The following EPB41L4A variants were observed in gnomAD, a reference collection of about 807,000 sequenced individuals.
EPB41L4A encodes band 4.1-like protein 4A.
A neutral mutation model predicts 108.6 loss-of-function variants in EPB41L4A; 100 were observed. The ratio of observed to expected loss-of-function variants is 0.92; its 90% CI spans 0.78 to 1.09. The LOEUF (loss-of-function observed/expected upper bound fraction) is 1.09. Ranked by LOEUF, EPB41L4A falls within the 50% of genes least tolerant of loss-of-function variation. The probability of loss-of-function intolerance (pLI) is 0.00; values close to 1 mark genes in which losing one functional copy is unlikely to be tolerated. For missense variants in EPB41L4A, 1,030 were observed against 842.7 expected (o/e 1.22, Z -2.75); for synonymous variants, 319 against 289.0 (o/e 1.10, Z -1.05).
Position 112,178,290 on chromosome 5 carries a change from G to A in EPB41L4A, c.1622+5726C>T, listed in dbSNP as rs529803952. On this transcript the variant is annotated intron_variant, in intron 18 of 22. Transcript: ENST00000261486. Reference sequence around the variant, plus strand: ...ACATATGCATACACCTAACACCAGAGCTTCAAAATAACTTGAAGTAAAAAC... The same window carrying A: ...ACATATGCATACACCTAACACCAGAACTTCAAAATAACTTGAAGTAAAAAC... Among the ~76,000 whole-genome samples the A allele has an allele frequency of 3.9e-5, 6 of 152,170 alleles. No individual in the cohort carries two copies. In the East Asian group the frequency reaches 1.2e-3, roughly 29 times the overall value.
chr5:112,321,910 A>T (rs1580682558), intron 1 of EPB41L4A, among the ~76,000 whole-genome samples: 2 of 152,228 alleles, frequency 1.3e-5, no homozygotes, highest in East Asian at 3.8e-4. Flanking sequence ...AAACCTGTGT[A>T]ATTTTTGAAA....
intron 15 of EPB41L4A, among the ~76,000 whole-genome samples, chr5:112,196,238 T>C (rs888443642): frequency 6.6e-6 from 1 of 152,198 alleles, no homozygotes; most frequent in Non-Finnish European, 1.5e-5. Context: ...TGGGGCATCC[T>C]GGTTAAAGGT....
intron 1 of EPB41L4A, among the ~76,000 whole-genome samples, chr5:112,414,737 G>A (rs73218319): frequency 0.034 from 5,150 of 152,150 alleles, 310 homozygotes; most frequent in African/African-American, 0.12. Flanking sequence ...GATGATAAAA[G>A]GTATTTTTAA....
rs115849871 is a variant in EPB41L4A at position 112,402,890 on chromosome 5, G to A, written c.99+16051C>T. Among the ~76,000 whole-genome samples the A allele has an allele frequency of 5.1e-3, 777 of 152,136 alleles. 3 individuals are homozygous for A. Among genetic ancestry groups the A allele is most frequent in the African/African-American group, 0.018 (740 of 41,508 alleles). ...CATCTTTTGAGAACAATATTTAAAA[G>A]GAAGATTAAGCCTTCCTAGAAAGCG... On this transcript the variant is annotated intron_variant, in intron 1 of 22. Coordinates refer to ENST00000261486, the MANE Select transcript of EPB41L4A (RefSeq NM_022140.5).
chr5:112,265,232 G>A (rs1434667033), intron 5 of EPB41L4A, among the ~76,000 whole-genome samples: 1 of 152,110 alleles, frequency 6.6e-6, no homozygotes, highest in Non-Finnish European at 1.5e-5. Flanking sequence ...CTTTATTTTT[G>A]CATTCCCAAA....
intron 2 of EPB41L4A, among the ~76,000 whole-genome samples, chr5:112,282,124 G>T (rs991463281): frequency 6.6e-6 from 1 of 152,174 alleles, no homozygotes; most frequent in African/African-American, 2.4e-5. Context: ...TCAGTGAAAT[G>T]CTCTTGGAGC....
At chr5:112,369,225 C>G (rs1297353907) in intron 1 of EPB41L4A, among the ~76,000 whole-genome samples, 1 of 152,152 alleles carries the variant, frequency 6.6e-6, no homozygotes, top group Non-Finnish European at 1.5e-5. Flanking sequence ...CTCCTAAATG[C>G]TTTTGACATC....
downstream of EPB41L4A, chr5:112,158,317 G>A (rs80153518): frequency 5.6e-3 from 1,169 of 209,550 alleles, 7 homozygotes; most frequent in Non-Finnish European, 7.6e-3. Flanking sequence ...ATGTCATTAT[G>A]TACCACACAC....
chr5:112,412,086 C>G (rs748637660), intron 1 of EPB41L4A, among the ~76,000 whole-genome samples: 3 of 152,186 alleles, frequency 2.0e-5, no homozygotes, highest in Non-Finnish European at 4.4e-5. Context: ...CGTTCCTAAA[C>G]AATACACTGC....
At chr5:112,330,959 G>A (rs941115559) in intron 1 of EPB41L4A, among the ~76,000 whole-genome samples, 9 of 152,000 alleles carry the variant, frequency 5.9e-5, no homozygotes, top group Admixed American at 2.6e-4. Flanking sequence ...CTGACCTTAC[G>A]TATCTTGTTG....
intron 12 of EPB41L4A, among the ~76,000 whole-genome samples, chr5:112,157,078 T>C (rs937861185): frequency 1.8e-4 from 28 of 151,394 alleles, no homozygotes; most frequent in African/African-American, 6.6e-4. Context: ...GACAGCGTAA[T>C]ATTGACACAG....
chr5:112,206,403 T>G (rs886209803), intron 13 of EPB41L4A, among the ~76,000 whole-genome samples: 1 of 151,644 alleles, frequency 6.6e-6, no homozygotes, highest in African/African-American at 2.4e-5. Context: ...ATACTATCCA[T>G]GATGGAATTA....
intron 2 of EPB41L4A, 53 bp downstream of exon 2, chr5:112,307,333 G>A: frequency 8.4e-7 from 1 of 1,194,558 alleles, no homozygotes; most frequent in South Asian, 1.2e-5. Context: ...AAAAGCCAGA[G>A]ATAGAGTGAA....
At chr5:112,376,999 T>C (rs1319596960) in intron 1 of EPB41L4A, among the ~76,000 whole-genome samples, 1 of 151,436 alleles carries the variant, frequency 6.6e-6, no homozygotes, top group African/African-American at 2.4e-5. Flanking sequence ...AACCCAGGAG[T>C]TGAAGACCAA....
chr5:112,322,699 G>GACACACACACAC (rs111502535), intron 1 of EPB41L4A, among the ~76,000 whole-genome samples: 3 of 145,958 alleles, frequency 2.1e-5, no homozygotes, highest in African/African-American at 7.5e-5. Context: ...TCCACTATGA[G>GACACACACACAC]ACACACACAC....
intron 1 of EPB41L4A, among the ~76,000 whole-genome samples, chr5:112,345,786 C>T (rs62365200): frequency 9.3e-4 from 12 of 12,892 alleles, no homozygotes; most frequent in African/African-American, 2.5e-3. Context: ...TATATACACA[C>T]ACACACACAC....
chr5:112,319,337 C>T (rs1421736902), intron 1 of EPB41L4A, among the ~76,000 whole-genome samples: 1 of 152,104 alleles, frequency 6.6e-6, no homozygotes, highest in Non-Finnish European at 1.5e-5. Context: ...AATATAAATA[C>T]ATGTGTGAAT....
intron 1 of EPB41L4A, among the ~76,000 whole-genome samples, chr5:112,337,550 G>A (rs772643826): frequency 1.8e-4 from 28 of 152,108 alleles, no homozygotes; most frequent in Non-Finnish European, 3.2e-4. Flanking sequence ...TAGACAAAAG[G>A]ACGGAGGCTC....
chr5:112,277,759 T>C (rs149518014), intron 3 of EPB41L4A, among the ~76,000 whole-genome samples: 74 of 152,324 alleles, frequency 4.9e-4, no homozygotes, highest in Non-Finnish European at 7.9e-4. Flanking sequence ...TCAAAGGCTA[T>C]AGAAATGAAC....
Sources: gnomAD v4.1 joint callset for allele counts (sites outside exome capture counted in the v4.1 genomes callset) on GRCh38, gnomAD v4.1.1 for gene constraint, MANE v1.5 for transcripts, NCBI Gene and HGNC (gene_info 2026-07-23, HGNC 2026-07-21) for gene names.